Variants in PDE8B observed in about 807,000 individuals in gnomAD.
The protein encoded by PDE8B is phosphodiesterase 8B.
PDE8B carries 26 observed loss-of-function variants against 101.3 expected under a neutral mutation model. The observed-to-expected ratio is 0.26, with a 90% CI of 0.19 to 0.36. The LOEUF (loss-of-function observed/expected upper bound fraction) is 0.36. PDE8B is among the 10% of genes least tolerant of loss of function. The pLI is 1.00. For synonymous variants in PDE8B, 424 were observed against 429.3 expected, an observed-to-expected ratio of 0.99 and a Z score of 0.15; for missense variants, 810 against 1,163.1, an observed-to-expected ratio of 0.70 and a Z score of 4.42.
intron 10 of PDE8B, among the ~76,000 whole-genome samples, chr5:77,396,117 A>C (rs769574976): frequency 6.6e-5 from 10 of 152,252 alleles, no homozygotes; most frequent in Non-Finnish European, 1.2e-4. Context: ...CTACTTTCAC[A>C]ATTCAACAAC....
the PDE8B span, among the ~76,000 whole-genome samples, chr5:77,181,748 G>A: frequency 6.6e-6 from 1 of 152,176 alleles, no homozygotes. Flanking sequence ...GGCTCTGATA[G>A]TTACAAGTGC....
intron 1 of PDE8B, among the ~76,000 whole-genome samples, chr5:77,230,092 C>A (rs980345657): frequency 1.3e-5 from 2 of 152,206 alleles, no homozygotes; most frequent in Admixed American, 6.5e-5. Flanking sequence ...TTTTCACCAA[C>A]ACTTGTTATT....
the PDE8B span, among the ~76,000 whole-genome samples, chr5:77,151,616 C>T: frequency 1.3e-5 from 2 of 152,164 alleles, no homozygotes; most frequent in African/African-American, 4.8e-5. Flanking sequence ...CTACAATATG[C>T]TTTATCATGC....
At chr5:77,271,239 TG>T (rs550951768) in intron 1 of PDE8B, among the ~76,000 whole-genome samples, 66 of 152,358 alleles carry the variant, frequency 4.3e-4, no homozygotes, top group African/African-American at 1.6e-3. Flanking sequence ...TTGTCTTACT[TG>T]TCCTTTAAAA....
chr5:77,382,682 TGTG>T (rs1787728381), intron 10 of PDE8B, among the ~76,000 whole-genome samples: 1 of 150,808 alleles, frequency 6.6e-6, no homozygotes, highest in Admixed American at 6.6e-5. Flanking sequence ...AGTGAGAACA[TGTG>T]GTGTTTGGTT....
chr5:77,378,180 G>A (rs974908857), intron 10 of PDE8B, among the ~76,000 whole-genome samples: 4 of 152,056 alleles, frequency 2.6e-5, no homozygotes, highest in Non-Finnish European at 5.9e-5. Flanking sequence ...GTAGGTACTG[G>A]CCGGGCACGG....
At chr5:77,261,114 T>C (rs1760488809) in intron 1 of PDE8B, among the ~76,000 whole-genome samples, 1 of 152,182 alleles carries the variant, frequency 6.6e-6, no homozygotes, top group Non-Finnish European at 1.5e-5. Flanking sequence ...ATAAAAATGG[T>C]CTGGTATCTT....
chr5:77,251,227 T>G (rs1034185348), intron 1 of PDE8B, among the ~76,000 whole-genome samples: 1 of 152,214 alleles, frequency 6.6e-6, no homozygotes, highest in Non-Finnish European at 1.5e-5. Context: ...AAGTGGCAAT[T>G]CTGAGGATGA....
chr5:77,287,219 G>C (rs1015058253), intron 1 of PDE8B, among the ~76,000 whole-genome samples: 1 of 151,440 alleles, frequency 6.6e-6, no homozygotes, highest in African/African-American at 2.4e-5. Flanking sequence ...GTTTTTGTTT[G>C]TCTGGAAATT....
chr5:77,347,005 C>G (rs1238474434), intron 7 of PDE8B, among the ~76,000 whole-genome samples: 1 of 152,152 alleles, frequency 6.6e-6, no homozygotes, highest in East Asian at 1.9e-4. Context: ...CAAGTAGCAG[C>G]ACTTAAAATT....
chr5:77,091,322 A>T, the PDE8B span, among the ~76,000 whole-genome samples: 2,442 of 152,338 alleles, frequency 0.016, 69 homozygotes, highest in African/African-American at 0.055. Flanking sequence ...TTTCGTATCA[A>T]TAAAAAAATG....
chr5:77,292,090 T>C (rs1767492533), intron 1 of PDE8B, among the ~76,000 whole-genome samples: 1 of 152,112 alleles, frequency 6.6e-6, no homozygotes, highest in African/African-American at 2.4e-5. Flanking sequence ...AGCAAAGTAA[T>C]CTTCCATTTA....
chr5:77,385,794 G>C (rs1284233283), intron 10 of PDE8B, among the ~76,000 whole-genome samples: 1 of 93,408 alleles, frequency 1.1e-5, no homozygotes, highest in East Asian at 2.8e-4. Flanking sequence ...GAGTGAGTGA[G>C]GTTTTTTTTT....
intron 1 of PDE8B, chr5:77,214,021 G>A (rs1358939026): frequency 6.6e-6 from 1 of 152,240 alleles, no homozygotes; most frequent in Non-Finnish European, 1.5e-5. Flanking sequence ...CCCAATTGCT[G>A]TGAAAATGCA....
At chr5:77,251,192 C>T (rs1757987836) in intron 1 of PDE8B, among the ~76,000 whole-genome samples, 4 of 152,152 alleles carry the variant, frequency 2.6e-5, no homozygotes, top group South Asian at 2.1e-4. Context: ...GACCTTACAG[C>T]GTTGTCAGGA....
chr5:77,119,915 T>A, the PDE8B span, among the ~76,000 whole-genome samples: 1 of 151,880 alleles, frequency 6.6e-6, no homozygotes, highest in Non-Finnish European at 1.5e-5. Flanking sequence ...GAGGCTGAGG[T>A]GGGAGGATCA....
chr5:77,193,115 T>TGGCTTG, the PDE8B span, among the ~76,000 whole-genome samples: 1 of 152,244 alleles, frequency 6.6e-6, no homozygotes, highest in Non-Finnish European at 1.5e-5. Context: ...TCCCAGTCTG[T>TGGCTTG]GGCTTGCCTT....
chr5:77,196,860 C>T, the PDE8B span, among the ~76,000 whole-genome samples: 1 of 152,072 alleles, frequency 6.6e-6, no homozygotes, highest in African/African-American at 2.4e-5. Flanking sequence ...ACAAATTCAA[C>T]TTCTTTAGTA....
chr5:77,321,936 G>T (rs1775162335), intron 2 of PDE8B, among the ~76,000 whole-genome samples: 1 of 152,162 alleles, frequency 6.6e-6, no homozygotes, highest in Non-Finnish European at 1.5e-5. Context: ...AGTTCCCAGA[G>T]CAGGAGGCAC....
Sources: gnomAD v4.1 joint callset for allele counts (sites outside exome capture counted in the v4.1 genomes callset) on GRCh38, gnomAD v4.1.1 for gene constraint, MANE v1.5 for transcripts, NCBI Gene and HGNC (gene_info 2026-07-23, HGNC 2026-07-21) for gene names.